Variants in ZFHX3 observed in about 807,000 individuals in gnomAD.
ZFHX3 encodes zinc finger homeobox 3.
ZFHX3 carries 42 observed loss-of-function variants against 279.1 expected under a neutral mutation model. That is an observed-to-expected ratio of 0.15 (90% confidence interval 0.12 to 0.19). The LOEUF (loss-of-function observed/expected upper bound fraction) is 0.19, where lower values mean the gene tolerates loss of function less well. Ranked by LOEUF, ZFHX3 falls within the 10% of genes least tolerant of loss-of-function variation. The pLI is 1.00. For synonymous variants in ZFHX3, 2,293 were observed against 1,957.8 expected, an observed-to-expected ratio of 1.17 and a Z score of -4.52; for missense variants, 4,981 against 4,754.0, an observed-to-expected ratio of 1.05 and a Z score of -1.40.
chr16:72,813,388 G>C (rs1004007218), intron 5 of ZFHX3, among the ~76,000 whole-genome samples: 1 of 152,150 alleles, frequency 6.6e-6, no homozygotes, highest in African/African-American at 2.4e-5. Flanking sequence ...TGGACACCAA[G>C]ATGCTGTCAT....
At chr16:73,099,228 A>G (rs935265107) in intron 7 of ZFHX3, 1 of 152,202 alleles carries the variant, frequency 6.6e-6, no homozygotes, top group African/African-American at 2.4e-5. Flanking sequence ...TCAAATAGCT[A>G]TTGTATCCTC....
At chr16:73,401,369 A>ACACACAC (rs35247550) in intron 3 of ZFHX3, 6,203 of 64,856 alleles carry the variant, frequency 0.096, 215 homozygotes, top group Middle Eastern at 0.16. Context: ...AACAAAAAAC[A>ACACACAC]AAACACACAC....
chr16:72,858,934 G>A (rs1046495299), intron 4 of ZFHX3, among the ~76,000 whole-genome samples: 2 of 152,120 alleles, frequency 1.3e-5, no homozygotes, highest in Admixed American at 6.5e-5. Context: ...AGAAAGCTGT[G>A]CCCAGCTCAA....
intron 5 of ZFHX3, among the ~76,000 whole-genome samples, chr16:73,184,015 C>T (rs7184840): frequency 0.18 from 26,685 of 152,076 alleles, 2,606 homozygotes; most frequent in Middle Eastern, 0.28. Context: ...CTCAGGGATG[C>T]GGACCATGTG....
chr16:73,498,028 A>G (rs1007235953), intron 2 of ZFHX3, among the ~76,000 whole-genome samples: 16 of 152,204 alleles, frequency 1.1e-4, no homozygotes, highest in Admixed American at 1.0e-3. Context: ...TGCCTGTAAA[A>G]TAATACATCT....
chr16:73,440,375 T>G (rs1471634513), intron 3 of ZFHX3, among the ~76,000 whole-genome samples: 1 of 152,168 alleles, frequency 6.6e-6, no homozygotes, highest in Non-Finnish European at 1.5e-5. Context: ...TGGGATGAGG[T>G]GATCAGACCA....
At chr16:73,042,542 G>A (rs1034563328) in intron 1 of ZFHX3, among the ~76,000 whole-genome samples, 17 of 151,988 alleles carry the variant, frequency 1.1e-4, no homozygotes, top group African/African-American at 3.9e-4. Flanking sequence ...CAGTGTGTAA[G>A]CCCCAATCAT....
chr16:73,372,647 T>C (rs1191616068), intron 3 of ZFHX3, among the ~76,000 whole-genome samples: 3 of 152,230 alleles, frequency 2.0e-5, no homozygotes, highest in Non-Finnish European at 2.9e-5. Context: ...ATTTCAGCGA[T>C]GATTTTCTCT....
At chr16:73,461,225 A>C (rs1368345038) in intron 2 of ZFHX3, among the ~76,000 whole-genome samples, 1 of 152,058 alleles carries the variant, frequency 6.6e-6, no homozygotes, top group Non-Finnish European at 1.5e-5. Context: ...TCTCTTCATG[A>C]CATTTGCCCA....
chr16:73,504,312 A>T (rs1057080221), intron 2 of ZFHX3: 1 of 152,256 alleles, frequency 6.6e-6, no homozygotes. Flanking sequence ...AAATCAAAGA[A>T]TTCACATCAG....
At chr16:73,479,321 CT>C (rs781270475) in intron 2 of ZFHX3, among the ~76,000 whole-genome samples, 5 of 152,200 alleles carry the variant, frequency 3.3e-5, no homozygotes, top group Admixed American at 6.5e-5. Context: ...GAAGTTCTTG[CT>C]TCCCATTCCA....
upstream of ZFHX3, among the ~76,000 whole-genome samples, chr16:73,048,905 T>A (rs1437883382): frequency 2.6e-5 from 4 of 152,208 alleles, no homozygotes; most frequent in African/African-American, 9.6e-5. Flanking sequence ...GAAAAGGAGA[T>A]GCAGTCTACC....
At chr16:73,128,681 A>G (rs1471422272) in intron 7 of ZFHX3, among the ~76,000 whole-genome samples, 1 of 152,152 alleles carries the variant, frequency 6.6e-6, no homozygotes, top group Non-Finnish European at 1.5e-5. Flanking sequence ...ATCTTTTACC[A>G]TTTTATACTC....
chr16:73,457,012 G>C (rs1161180196), intron 2 of ZFHX3, among the ~76,000 whole-genome samples: 1 of 152,204 alleles, frequency 6.6e-6, no homozygotes, highest in Non-Finnish European at 1.5e-5. Context: ...ATAACATTCA[G>C]GTGGAAGGAA....
At chr16:73,734,969 T>G (rs1397877615) in intron 1 of ZFHX3, among the ~76,000 whole-genome samples, 2 of 152,220 alleles carry the variant, frequency 1.3e-5, no homozygotes, top group Admixed American at 6.5e-5. Flanking sequence ...TCAAAAATAA[T>G]TTTTAGTAGA....
chr16:72,841,301 A>G (rs927401283), intron 4 of ZFHX3, among the ~76,000 whole-genome samples: 1 of 152,250 alleles, frequency 6.6e-6, no homozygotes, highest in Non-Finnish European at 1.5e-5. Context: ...TTCAGTTGAC[A>G]TTTCCTGGGA....
intron 3 of ZFHX3, among the ~76,000 whole-genome samples, chr16:73,366,315 T>A (rs56347585): frequency 0.081 from 12,288 of 152,154 alleles, 637 homozygotes; most frequent in Middle Eastern, 0.16. Flanking sequence ...ATAGAGATCA[T>A]TATGAAGATT....
intron 3 of ZFHX3, among the ~76,000 whole-genome samples, chr16:73,426,099 C>T (rs2017805657): frequency 6.6e-6 from 1 of 152,170 alleles, no homozygotes; most frequent in Non-Finnish European, 1.5e-5. Context: ...TGGTGAGTCC[C>T]AGCTGGTGTG....
intron 3 of ZFHX3, among the ~76,000 whole-genome samples, chr16:72,894,304 G>A (rs376807110): frequency 7.2e-5 from 11 of 152,074 alleles, no homozygotes; most frequent in Admixed American, 5.2e-4. Context: ...CAAGTGTCTC[G>A]TTATTTCTTA....
Sources: allele counts gnomAD v4.1 joint callset (sites outside exome capture counted in the v4.1 genomes callset), GRCh38; gene constraint gnomAD v4.1.1; transcripts MANE v1.5; gene names NCBI Gene and HGNC (gene_info 2026-07-23, HGNC 2026-07-21).